PCDH9: variants seen among roughly 807,000 people sequenced by gnomAD.
The protein encoded by PCDH9 is protocadherin-9.
Under a neutral mutation model 70.6 loss-of-function variants are expected in PCDH9, and 24 were observed. The ratio of observed to expected loss-of-function variants is 0.34; its 90% CI spans 0.25 to 0.48. The LOEUF is 0.48. Ranked by LOEUF, PCDH9 falls within the 20% of genes least tolerant of loss-of-function variation. The pLI is 0.99. For synonymous variants in PCDH9, 562 were observed against 558.5 expected (o/e 1.01, Z -0.09); for missense variants, 1,281 against 1,503.6 (o/e 0.85, Z 2.45).
At chr13:66,570,488 G>A (rs2076719262) in intron 4 of PCDH9, among the ~76,000 whole-genome samples, 1 of 152,106 alleles carries the variant, frequency 6.6e-6, no homozygotes, top group African/African-American at 2.4e-5. Flanking sequence ...CAATATCCTG[G>A]CAGTGATATT....
intron 3 of PCDH9, among the ~76,000 whole-genome samples, chr13:66,797,127 A>T (rs778837410): frequency 6.6e-6 from 1 of 152,064 alleles, no homozygotes; most frequent in East Asian, 1.9e-4. Flanking sequence ...CATAATTAAG[A>T]CTCTATCTCT....
intron 3 of PCDH9, among the ~76,000 whole-genome samples, chr13:66,740,718 T>C (rs1380342264): frequency 6.6e-5 from 10 of 152,038 alleles, no homozygotes; most frequent in African/African-American, 9.7e-5. Context: ...AACAACTCTA[T>C]GCAAATAAAC....
chr13:66,807,549 T>A (rs1038665745), intron 3 of PCDH9, among the ~76,000 whole-genome samples: 1 of 152,180 alleles, frequency 6.6e-6, no homozygotes, highest in Non-Finnish European at 1.5e-5. Context: ...AGTTTCCTAA[T>A]CTGAAATGGG....
At chr13:66,916,605 CTCTGAG>C (rs892696906) in intron 2 of PCDH9, among the ~76,000 whole-genome samples, 6 of 151,522 alleles carry the variant, frequency 4.0e-5, no homozygotes, top group Admixed American at 1.3e-4. Flanking sequence ...AAAAATATAG[CTCTGAG>C]TCTAAGAGCT....
intron 4 of PCDH9, among the ~76,000 whole-genome samples, chr13:66,425,317 C>G (rs1352358262): frequency 6.6e-6 from 1 of 151,576 alleles, no homozygotes; most frequent in Admixed American, 6.6e-5. Flanking sequence ...GAAGTTATTA[C>G]ATTTAACCAA....
intron 2 of PCDH9, among the ~76,000 whole-genome samples, chr13:67,064,282 T>C (rs1194281289): frequency 6.6e-6 from 1 of 151,438 alleles, no homozygotes; most frequent in African/African-American, 2.4e-5. Context: ...GAAAATTCTC[T>C]AGATCAGAAA....
chr13:66,710,211 A>G (rs2078774118), intron 3 of PCDH9, among the ~76,000 whole-genome samples: 1 of 152,154 alleles, frequency 6.6e-6, no homozygotes. Flanking sequence ...GAAAATTAAT[A>G]TATAGCTTTA....
intron 4 of PCDH9, among the ~76,000 whole-genome samples, chr13:66,382,679 G>A (rs1262679022): frequency 6.6e-6 from 1 of 152,198 alleles, no homozygotes; most frequent in Non-Finnish European, 1.5e-5. Flanking sequence ...GAGGATTTCT[G>A]ATTTTTCTAT....
At chr13:66,380,034 T>A (rs181756908) in intron 4 of PCDH9, among the ~76,000 whole-genome samples, 1 of 152,166 alleles carries the variant, frequency 6.6e-6, no homozygotes, top group East Asian at 1.9e-4. Flanking sequence ...ATATTTCACT[T>A]AGAATATATA....
At chr13:66,525,687 A>G (rs1775085619) in intron 4 of PCDH9, among the ~76,000 whole-genome samples, 2 of 152,238 alleles carry the variant, frequency 1.3e-5, no homozygotes, top group South Asian at 4.2e-4. Flanking sequence ...ATGTCTCATT[A>G]AAGTTTCAAG....
intron 4 of PCDH9, among the ~76,000 whole-genome samples, chr13:66,380,734 G>T (rs1045492824): frequency 6.6e-6 from 1 of 151,872 alleles, no homozygotes; most frequent in Non-Finnish European, 1.5e-5. Flanking sequence ...TAGTGGAGAC[G>T]GGGTTTCACC....
rs374163073 is a variant in PCDH9, at chr13:66,923,875, T to C, written c.3037-20270A>G. ...TCATTTTACTAACTATAAACTATTT[T>C]ATGAAAATGTCCATTTTCTGTTTAA... On this transcript the variant is annotated intron_variant, in intron 2 of 4. Coordinates refer to ENST00000377865, the MANE Select transcript of PCDH9 (RefSeq NM_203487.3). Among the ~76,000 whole-genome samples, 40 of 151,938 alleles carry C rather than the reference T, an allele frequency of 2.6e-4. No individual in the cohort carries two copies. The South Asian group carries it at 8.1e-3, about 31-fold the overall frequency.
chr13:66,871,665 T>G (rs1307276554), intron 3 of PCDH9, among the ~76,000 whole-genome samples: 1 of 152,124 alleles, frequency 6.6e-6, no homozygotes, highest in Non-Finnish European at 1.5e-5. Flanking sequence ...GCAGCCAGAT[T>G]GGTCTTCTAC....
intron 4 of PCDH9, among the ~76,000 whole-genome samples, chr13:66,618,564 TTTATAA>T (rs1408049919): frequency 1.3e-5 from 2 of 152,186 alleles, no homozygotes; most frequent in Non-Finnish European, 2.9e-5. Context: ...GAATATATTC[TTTATAA>T]TTAGTAATTT....
At chr13:67,114,257 C>A (rs925015762) in intron 2 of PCDH9, among the ~76,000 whole-genome samples, 9 of 152,044 alleles carry the variant, frequency 5.9e-5, no homozygotes, top group Non-Finnish European at 1.0e-4. Flanking sequence ...AACATTAATA[C>A]CACAGATAAA....
In PCDH9 at chr13:66,614,728, A is replaced by C. The variant is rs189362187; in HGVS notation, c.3340+16482T>G. 2.4e-4 allele frequency among the ~76,000 whole-genome samples: 37 copies of C among 152,324 alleles called. No individual in the cohort carries two copies. In the East Asian group the frequency reaches 5.2e-3, roughly 21 times the overall value. On this transcript the variant is annotated intron_variant, in intron 4 of 4. Transcript: ENST00000377865. ...TGCCATAAAGAAATAGCATTTGAAC[A>C]TAAATTTTATTTCCTCAGCAAGGCC...
chr13:67,122,075 A>G (rs1009800315), intron 2 of PCDH9, among the ~76,000 whole-genome samples: 21 of 152,292 alleles, frequency 1.4e-4, no homozygotes, highest in Admixed American at 3.9e-4. Flanking sequence ...ACTGAATTAC[A>G]GATGTGACAA....
intron 2 of PCDH9, among the ~76,000 whole-genome samples, chr13:67,154,595 A>AAATATAT (rs1555313195): frequency 3.4e-5 from 3 of 88,986 alleles, no homozygotes; most frequent in Non-Finnish European, 6.4e-5. Context: ...AAAAAAAAAA[A>AAATATAT]ATATATATAT....
At chr13:66,942,067 A>T (rs1020417910) in intron 2 of PCDH9, among the ~76,000 whole-genome samples, 1 of 151,936 alleles carries the variant, frequency 6.6e-6, no homozygotes, top group Non-Finnish European at 1.5e-5. Flanking sequence ...AATATAACCC[A>T]TGGGCCAAAG....
Sources: gnomAD v4.1 joint callset for allele counts (sites outside exome capture counted in the v4.1 genomes callset) on GRCh38, gnomAD v4.1.1 for gene constraint, MANE v1.5 for transcripts, NCBI Gene and HGNC (gene_info 2026-07-23, HGNC 2026-07-21) for gene names.